CNTN4: variants seen among roughly 807,000 people sequenced by gnomAD.
CNTN4 encodes the protein contactin 4.
Under a neutral mutation model 122.5 loss-of-function variants are expected in CNTN4, and 77 were observed. That is an observed-to-expected ratio of 0.63 (90% CI 0.52 to 0.76). The LOEUF is 0.76. Among genes scored for constraint, CNTN4 ranks in the 30% least tolerant of loss-of-function variants. The pLI is 0.00. For synonymous variants in CNTN4, 512 were observed against 447.0 expected, an observed-to-expected ratio of 1.15 and a Z score of -1.83; for missense variants, 1,256 against 1,259.1, an observed-to-expected ratio of 1.00 and a Z score of 0.04.
intron 3 of CNTN4, among the ~76,000 whole-genome samples, chr3:2,464,676 T>G (rs1050329897): frequency 5.3e-5 from 8 of 152,216 alleles, no homozygotes; most frequent in Non-Finnish European, 1.2e-4. Flanking sequence ...GGGTTTCAGG[T>G]TGGAACAAAA....
intron 3 of CNTN4, among the ~76,000 whole-genome samples, chr3:2,386,467 G>A (rs1032784): frequency 0.23 from 34,621 of 152,130 alleles, 4,171 homozygotes; most frequent in Admixed American, 0.34. Flanking sequence ...GCCAATAGCT[G>A]GGTTTCTTGG....
At chr3:2,462,108 ATAAT>A in intron 3 of CNTN4, among the ~76,000 whole-genome samples, 1 of 152,156 alleles carries the variant, frequency 6.6e-6, no homozygotes. Flanking sequence ...CTTACAATAA[ATAAT>A]TATTTGTCCT....
chr3:2,771,696 G>A (rs2091107224), intron 6 of CNTN4, among the ~76,000 whole-genome samples: 1 of 152,144 alleles, frequency 6.6e-6, no homozygotes, highest in South Asian at 2.1e-4. Flanking sequence ...AATCTGAAAG[G>A]AGTAAAAATA....
chr3:2,928,929 C>G (rs979110980), intron 13 of CNTN4, among the ~76,000 whole-genome samples: 3 of 152,172 alleles, frequency 2.0e-5, no homozygotes, highest in Non-Finnish European at 4.4e-5. Flanking sequence ...TTAACATTAA[C>G]ATGTTCGTTA....
intron 7 of CNTN4, among the ~76,000 whole-genome samples, chr3:2,835,567 A>G (rs1217916896): frequency 6.6e-6 from 1 of 152,192 alleles, no homozygotes; most frequent in Non-Finnish European, 1.5e-5. Context: ...GCCATAATGC[A>G]ATTAAATAAG....
chr3:2,769,125 C>T (rs1054085452), intron 6 of CNTN4, among the ~76,000 whole-genome samples: 4 of 152,056 alleles, frequency 2.6e-5, no homozygotes, highest in African/African-American at 7.2e-5. Flanking sequence ...CAAAACTTAC[C>T]TATACTGAAA....
rs148777981 is a variant in CNTN4, at chr3:2,640,130, C to G, written c.55+68572C>G. 6.4e-4 allele frequency among the ~76,000 whole-genome samples: 98 copies of G among 152,288 alleles called. 1 individual carries two copies. The highest frequency in any genetic ancestry group is 1.1e-3 in the Non-Finnish European group (72 of 68,018). Reference sequence around the variant, plus strand: ...AGAAATGAGTAAGAGAATAATCTGACATTGCTTTGCTTTTCATGCAAGCTT... The same window carrying G: ...AGAAATGAGTAAGAGAATAATCTGAGATTGCTTTGCTTTTCATGCAAGCTT... On this transcript the variant is annotated intron_variant, in intron 4 of 24. Coordinates refer to ENST00000418658, the MANE Select transcript of CNTN4 (RefSeq NM_175607.3).
At chr3:2,570,010 AGAT>A (rs2079349485) in intron 3 of CNTN4, among the ~76,000 whole-genome samples, 1 of 152,002 alleles carries the variant, frequency 6.6e-6, no homozygotes, top group African/African-American at 2.4e-5. Context: ...GGCAAGCAGA[AGAT>A]GCTTCACATA....
intron 2 of CNTN4, among the ~76,000 whole-genome samples, chr3:2,113,528 A>C (rs2033117835): frequency 6.6e-6 from 1 of 152,170 alleles, no homozygotes; most frequent in African/African-American, 2.4e-5. Flanking sequence ...ATTGATTTGC[A>C]TTGTATTCTT....
chr3:2,739,356 C>G (rs952625998), intron 5 of CNTN4, among the ~76,000 whole-genome samples: 1 of 151,556 alleles, frequency 6.6e-6, no homozygotes, highest in African/African-American at 2.4e-5. Context: ...TGCACGTACT[C>G]TATGATCCAG....
At chr3:2,746,143 G>GAACAAATTTTACACACAC (rs71058639) in intron 6 of CNTN4, among the ~76,000 whole-genome samples, 1 of 149,902 alleles carries the variant, frequency 6.7e-6, no homozygotes, top group Admixed American at 6.6e-5. Context: ...GCGAGCAATT[G>GAACAAATTTTACACACAC]AGCTGCCAGT....
intron 4 of CNTN4, among the ~76,000 whole-genome samples, chr3:2,574,888 T>C (rs905127454): frequency 1.3e-5 from 2 of 152,020 alleles, no homozygotes; most frequent in African/African-American, 4.8e-5. Context: ...ATTTCCATAA[T>C]GTTAATGAAT....
intron 3 of CNTN4, among the ~76,000 whole-genome samples, chr3:2,521,359 C>A (rs2077213902): frequency 6.8e-6 from 1 of 147,474 alleles, no homozygotes; most frequent in Non-Finnish European, 1.5e-5. Flanking sequence ...CCACCCCCCG[C>A]AATAAGTCAC....
In CNTN4 at chr3:2,708,824, A is replaced by G. The variant is rs189175434; in HGVS notation, c.56-27391A>G. On this transcript the variant is annotated intron_variant, in intron 4 of 24. Transcript: ENST00000418658. ...TAGCATGAAAACATTATTATTCTATAATAAGTACACAAATGCAGTTTTTAT... is the reference window on the plus strand; with the variant it reads ...TAGCATGAAAACATTATTATTCTATGATAAGTACACAAATGCAGTTTTTAT... Among the ~76,000 whole-genome samples the G allele has an allele frequency of 2.2e-3, 340 of 152,316 alleles. 3 individuals carry two copies. Among genetic ancestry groups the G allele is most frequent in the South Asian group, 7.0e-3 (34 of 4,830 alleles).
At chr3:2,149,300 G>A (rs2035390952) in intron 2 of CNTN4, among the ~76,000 whole-genome samples, 1 of 152,136 alleles carries the variant, frequency 6.6e-6, no homozygotes, top group African/African-American at 2.4e-5. Flanking sequence ...GTTCTAAGGG[G>A]TACACACTTC....
intron 6 of CNTN4, among the ~76,000 whole-genome samples, chr3:2,810,099 T>C (rs2092568587): frequency 6.6e-6 from 1 of 152,208 alleles, no homozygotes; most frequent in Non-Finnish European, 1.5e-5. Flanking sequence ...GTTATTTAAT[T>C]TGATATAGAA....
intron 2 of CNTN4, among the ~76,000 whole-genome samples, chr3:2,245,627 A>C (rs73101938): frequency 2.0e-5 from 3 of 152,138 alleles, no homozygotes; most frequent in Admixed American, 6.6e-5. Context: ...GAAATGTACC[A>C]TGTACATGTT....
intron 4 of CNTN4, among the ~76,000 whole-genome samples, chr3:2,703,310 T>C (rs2086461978): frequency 6.6e-6 from 1 of 152,170 alleles, no homozygotes; most frequent in South Asian, 2.1e-4. Context: ...TGAGTATATA[T>C]TGCAATGTTT....
intron 2 of CNTN4, among the ~76,000 whole-genome samples, chr3:2,235,984 A>G (rs920626574): frequency 6.6e-6 from 1 of 152,136 alleles, no homozygotes; most frequent in Admixed American, 6.6e-5. Context: ...ATTATAGGAG[A>G]TACAGCAGTG....
Sources: gnomAD v4.1 joint callset for allele counts (sites outside exome capture counted in the v4.1 genomes callset) on GRCh38, gnomAD v4.1.1 for gene constraint, MANE v1.5 for transcripts, NCBI Gene and HGNC (gene_info 2026-07-23, HGNC 2026-07-21) for gene names.